Variants in PIK3C2G observed in about 807,000 individuals in gnomAD.
PIK3C2G encodes phosphatidylinositol 3-kinase C2 domain-containing subunit gamma.
In PIK3C2G, 168 loss-of-function variants were observed where a neutral mutation model predicts 181.1. The ratio of observed to expected loss-of-function variants is 0.93; its 90% CI spans 0.82 to 1.05. The LOEUF (loss-of-function observed/expected upper bound fraction) is 1.05, where lower values mean the gene tolerates loss of function less well. PIK3C2G is among the 50% of genes least tolerant of loss of function. PIK3C2G has a pLI of 0.00. For missense variants in PIK3C2G, 1,869 were observed against 1,732.8 expected (o/e 1.08, Z -1.40); for synonymous variants, 573 against 592.2 (o/e 0.97, Z 0.47).
chr12:18,269,675 T>A (rs760577224), intron 1 of PIK3C2G, among the ~76,000 whole-genome samples: 2 of 152,190 alleles, frequency 1.3e-5, no homozygotes, highest in Non-Finnish European at 2.9e-5. Context: ...ATCTTTTGCA[T>A]GAGTGGAAAA....
At chr12:18,689,132 C>T in the PIK3C2G span, among the ~76,000 whole-genome samples, 3 of 152,058 alleles carry the variant, frequency 2.0e-5, no homozygotes, top group Admixed American at 2.0e-4. Flanking sequence ...CATAATTAGA[C>T]ATCAAAGTAA....
At chr12:18,430,061 A>C (rs552366651) in intron 18 of PIK3C2G, among the ~76,000 whole-genome samples, 20 of 152,264 alleles carry the variant, frequency 1.3e-4, no homozygotes, top group African/African-American at 4.6e-4. Flanking sequence ...TTACTCCCTC[A>C]TAAGATTTTT....
At chr12:18,620,274 GCATA>G (rs1342228495) in intron 31 of PIK3C2G, among the ~76,000 whole-genome samples, 1 of 151,862 alleles carries the variant, frequency 6.6e-6, no homozygotes, top group African/African-American at 2.4e-5. Flanking sequence ...GTATAATGTT[GCATA>G]CAAATTTAAG....
intron 16 of PIK3C2G, among the ~76,000 whole-genome samples, chr12:18,402,526 G>A (rs1437399501): frequency 2.0e-5 from 3 of 152,094 alleles, no homozygotes; most frequent in Non-Finnish European, 4.4e-5. Context: ...CAATATCGTG[G>A]TAAAGGTGTT....
chr12:18,277,911 G>C (rs1277078502), intron 1 of PIK3C2G, among the ~76,000 whole-genome samples: 1 of 152,046 alleles, frequency 6.6e-6, no homozygotes, highest in Non-Finnish European at 1.5e-5. Context: ...TGAATACCAG[G>C]TTATAAGCAA....
In PIK3C2G at chr12:18,522,919, C is replaced by T. The variant is rs1211929401; in HGVS notation, c.3324-15237C>T. Among the ~76,000 whole-genome samples the T allele has an allele frequency of 2.0e-5, 3 of 152,010 alleles. No homozygotes were observed. The East Asian group carries it at 5.8e-4, about 29-fold the overall frequency. ...GCTCTTAATTCTCATAAACTTTCTT[C>T]ATTCTTTTTCATTATGTTTTTCTTT... On this transcript the variant is annotated intron_variant, in intron 24 of 32. Coordinates refer to ENST00000538779, the MANE Select transcript of PIK3C2G (RefSeq NM_001288772.2).
intron 18 of PIK3C2G, among the ~76,000 whole-genome samples, chr12:18,448,328 T>C (rs80006627): frequency 0.017 from 2,630 of 152,302 alleles, 76 homozygotes; most frequent in African/African-American, 0.061. Context: ...TGTTTTGATG[T>C]ACATAGTGAA....
intron 18 of PIK3C2G, among the ~76,000 whole-genome samples, chr12:18,473,646 T>A (rs1938675975): frequency 6.6e-6 from 1 of 152,172 alleles, no homozygotes; most frequent in South Asian, 2.1e-4. Context: ...TTAGTAAGAG[T>A]AATGTTGCAG....
In PIK3C2G at chr12:18,335,458, A is replaced by AGT. The variant is rs142557829; in HGVS notation, c.1273-2953_1273-2952dup. 8.3e-3 allele frequency among the ~76,000 whole-genome samples: 1,256 copies of AGT among 150,766 alleles called. 12 individuals carry two copies. Among genetic ancestry groups the AGT allele is most frequent in the African/African-American group, 0.025 (1,014 of 41,148 alleles). ...GTAATGTTTATATGAACATGTGGGG[A>AGT]GTGTGTGTGTGTGTGTATGTATGTG... On this transcript the variant is annotated intron_variant, in intron 8 of 32. Coordinates refer to ENST00000538779, the MANE Select transcript of PIK3C2G (RefSeq NM_001288772.2).
intron 3 of PIK3C2G, among the ~76,000 whole-genome samples, chr12:18,288,469 A>T (rs528879847): frequency 6.6e-6 from 1 of 152,208 alleles, no homozygotes; most frequent in Non-Finnish European, 1.5e-5. Context: ...GCTTACACAC[A>T]AAGATACAAA....
chr12:18,609,657 A>G (rs377219933), intron 31 of PIK3C2G, 28 bp downstream of exon 31: 13 of 1,334,082 alleles, frequency 9.7e-6, no homozygotes, highest in Non-Finnish European at 1.1e-5. Context: ...AATAAGAAAC[A>G]TGTAAGCCTA....
downstream of PIK3C2G, among the ~76,000 whole-genome samples, chr12:18,650,704 GTATATATC>G (rs1950448389): frequency 2.0e-3 from 116 of 57,752 alleles, 1 homozygote; most frequent in African/African-American, 4.1e-3. Context: ...GTGTGTGTGT[GTATATATC>G]TATATATATA....
chr12:18,450,248 T>A (rs1472063925), intron 18 of PIK3C2G, among the ~76,000 whole-genome samples: 1 of 152,172 alleles, frequency 6.6e-6, no homozygotes, highest in African/African-American at 2.4e-5. Flanking sequence ...TGCCTCAGCA[T>A]CCCAAGTAGC....
intron 31 of PIK3C2G, among the ~76,000 whole-genome samples, chr12:18,633,817 A>G (rs976317722): frequency 2.2e-4 from 33 of 152,266 alleles, no homozygotes; most frequent in Middle Eastern, 3.4e-3. Context: ...GTGCCTCCCA[A>G]TGGAAACGTT....
rs1950553506 is a variant in PIK3C2G at position 18,309,495 on chromosome 12, AC to A, written c.1035-4465del. Among the ~76,000 whole-genome samples, 14 of 151,900 alleles carry A rather than the reference AC, an allele frequency of 9.2e-5. No individual in the cohort carries two copies. In the South Asian group the frequency reaches 2.9e-3, roughly 31 times the overall value. On this transcript the variant is annotated intron_variant, in intron 5 of 32. Transcript: ENST00000538779. ...TGACTGCCAAACACCTGTCTGAATA[AC>A]CACAGTTTGCCTGTAATTCTCTCAT...
intron 15 of PIK3C2G, among the ~76,000 whole-genome samples, chr12:18,399,210 AT>A (rs565239582): frequency 0.017 from 2,576 of 149,876 alleles, 88 homozygotes; most frequent in African/African-American, 0.06. Flanking sequence ...AAAAAAAAAA[AT>A]ATGCCATTTT....
chr12:18,335,936 G>T (rs1410734146), intron 8 of PIK3C2G, among the ~76,000 whole-genome samples: 1 of 151,982 alleles, frequency 6.6e-6, no homozygotes, highest in Non-Finnish European at 1.5e-5. Context: ...CCCAGTATTA[G>T]TATTTCAATT....
At chr12:18,445,708 G>T (rs139743570) in intron 18 of PIK3C2G, among the ~76,000 whole-genome samples, 31 of 152,152 alleles carry the variant, frequency 2.0e-4, no homozygotes, top group African/African-American at 7.5e-4. Flanking sequence ...AAAAGATTTT[G>T]TTATACTCAT....
Position 18,505,390 on chromosome 12 carries a change from G to T in PIK3C2G, c.3252G>T (p.Lys1084Asn). The change falls in exon 24 of 33, where the codon AAG becomes AAT. Residue 1084 changes from lysine (K) to asparagine (N), a missense_variant. Physicochemically the swap from Lys to Asn is moderately conservative, Grantham distance 94 (BLOSUM62 0). Coordinates refer to ENST00000538779, the MANE Select transcript of PIK3C2G (RefSeq NM_001288772.2). Reference protein sequence around the residue: ...DRHNDNIMLTKSGHMFHIDFG... With the variant: ...DRHNDNIMLTNSGHMFHIDFG... The stretch of plus-strand genomic sequence containing the variant: ...ACAATGATAATATCATGCTGACAAA[G>T]TCGGGCCACATGTTTCATATTGACT... 2 of 1,613,438 alleles carry T rather than the reference G, an allele frequency of 1.2e-6. No homozygotes were observed. The highest frequency in any genetic ancestry group is 2.2e-5 in the East Asian group (1 of 44,870).
Sources: gnomAD v4.1 joint callset for allele counts (sites outside exome capture counted in the v4.1 genomes callset) on GRCh38, gnomAD v4.1.1 for gene constraint, MANE v1.5 for transcripts, NCBI Gene and HGNC (gene_info 2026-07-23, HGNC 2026-07-21) for gene names.